SP1: variants seen among roughly 807,000 people sequenced by gnomAD.
The protein encoded by SP1 is transcription factor Sp1.
Under a neutral mutation model 66.3 loss-of-function variants are expected in SP1, and 6 were observed. The observed-to-expected ratio is 0.09, with a 90% CI of 0.05 to 0.18. SP1 has a LOEUF of 0.18. SP1 is among the 10% of genes least tolerant of loss of function. The pLI, the probability that SP1 is intolerant of heterozygous loss-of-function variation, is 1.00. For missense variants in SP1, 848 were observed against 964.5 expected, an observed-to-expected ratio of 0.88 and a Z score of 1.60; for synonymous variants, 417 against 360.8, an observed-to-expected ratio of 1.16 and a Z score of -1.77.
chr12:53,398,224 T>G (rs78726213), intron 3 of SP1, among the ~76,000 whole-genome samples: 4,038 of 152,312 alleles, frequency 0.027, 82 homozygotes, highest in Middle Eastern at 0.051. Context: ...TTAACCACTT[T>G]AGATTTGTCA....
At position 53,411,489 on chromosome 12, in the gene SP1, T is replaced by G. The variant is rs1938884695; in HGVS notation, c.*249T>G. ...GTGCCACGCTTTGATGAGCATTTGT[T>G]TGACCCCAGTTTCTTCTTACACTTC... On this transcript the variant is annotated 3_prime_UTR_variant, in exon 6 of 6. Transcript: ENST00000327443. The G allele has an allele frequency of 2.4e-6, 1 of 412,024 alleles. No individual in the cohort carries two copies. The highest frequency in any genetic ancestry group is 2.0e-5 in the African/African-American group (1 of 49,256). The allele number at this position is 412,024 out of a possible 1,614,324, so 25.5% of individuals were successfully genotyped here.
intron 3 of SP1, 32 bp from the exon 4 acceptor site, chr12:53,406,553 C>T (rs1451635022): frequency 1.9e-6 from 3 of 1,604,644 alleles, no homozygotes; most frequent in East Asian, 2.2e-5. Context: ...CTGCCCATGT[C>T]ACATGTTGAC....
intron 3 of SP1, among the ~76,000 whole-genome samples, chr12:53,399,846 G>C (rs1359127120): frequency 6.8e-6 from 1 of 146,324 alleles, no homozygotes; most frequent in Non-Finnish European, 1.5e-5. Context: ...GGTCAGGGTG[G>C]TCTTGAACTC....
chr12:53,395,988 C>T (rs1471823247), intron 3 of SP1, among the ~76,000 whole-genome samples: 6 of 152,000 alleles, frequency 3.9e-5, no homozygotes, highest in South Asian at 2.1e-4. Context: ...GGTGTGCTGG[C>T]GCACGCCTGT....
At chr12:53,381,946 G>C (rs1193038323) in intron 2 of SP1, 133 bp downstream of exon 2, 2 of 1,199,788 alleles carry the variant, frequency 1.7e-6, no homozygotes, top group African/African-American at 3.1e-5. Context: ...AGAGAATGGA[G>C]ATCCCCAAAG....
chr12:53,382,666 G>T lies in SP1; in HGVS notation c.719G>T (p.Gly240Val). The T allele has an allele frequency of 6.2e-7, 1 of 1,614,082 alleles. No individual in the cohort carries two copies. Among genetic ancestry groups the T allele is most frequent in the Non-Finnish European group, 8.5e-7 (1 of 1,179,988 alleles). ...NLLQQAVPLQ[G>V]LANNVLSGQT... ...CTCCAGCAGGCTGTCCCCCTCCAAGGCCTGGCTAATAATGTACTCTCAGGA... is the reference window on the plus strand; with the variant it reads ...CTCCAGCAGGCTGTCCCCCTCCAAGTCCTGGCTAATAATGTACTCTCAGGA... The change falls in exon 3 of 6, where the codon GGC (glycine) becomes GTC (valine). Residue 240 changes from glycine (G) to valine (V), a missense_variant. By Grantham distance (109) the Gly-to-Val change is moderately radical (BLOSUM62 -3). Around this residue, in one of 7 missense-constraint regions of SP1, gnomAD observed 606 missense variants for 589.9 expected, o/e 1.03. Transcript: ENST00000327443.
At chr12:53,392,007 T>A (rs150317717) in intron 3 of SP1, among the ~76,000 whole-genome samples, 1 of 152,270 alleles carries the variant, frequency 6.6e-6, no homozygotes, top group East Asian at 1.9e-4. Flanking sequence ...TGGTTGCAAA[T>A]CTGTGCTGTA....
chr12:53,408,511 C>A (rs569934735), intron 4 of SP1, among the ~76,000 whole-genome samples: 1 of 151,516 alleles, frequency 6.6e-6, no homozygotes, highest in Non-Finnish European at 1.5e-5. Context: ...AGGCTGGTCT[C>A]GGATCCCTGA....
chr12:53,399,485 C>T (rs900664792), intron 3 of SP1, among the ~76,000 whole-genome samples: 5 of 152,108 alleles, frequency 3.3e-5, no homozygotes, highest in African/African-American at 1.2e-4. Flanking sequence ...GCGCCCGCCA[C>T]CACATCTGGC....
At chr12:53,380,330 G>A (rs1938052798) in intron 1 of SP1, 32 bp downstream of exon 1, 1 of 1,526,606 alleles carries the variant, frequency 6.6e-7, no homozygotes, top group Non-Finnish European at 8.8e-7. Context: ...GCTTAGGGGT[G>A]GGAGGCGAGT....
chr12:53,380,472 C>T (rs1349409426), intron 1 of SP1, among the ~76,000 whole-genome samples, 174 bp downstream of exon 1: 1 of 151,044 alleles, frequency 6.6e-6, no homozygotes, highest in African/African-American at 2.4e-5. Flanking sequence ...GTGGCGGGGC[C>T]TCCGAGGAGG....
chr12:53,382,083 C>A, intron 2 of SP1, 27 bp from the exon 3 acceptor site: 1 of 1,608,642 alleles, frequency 6.2e-7, no homozygotes, highest in South Asian at 1.1e-5. Context: ...GTCACTAACT[C>A]CTTTCCTCTC....
In SP1 at chr12:53,383,609, A is replaced by G. The variant is rs1938160341; in HGVS notation, c.1662A>G (p.Ile554Met). 1.2e-6 allele frequency: 2 copies of G among 1,605,852 alleles called. No individual in the cohort carries two copies. The highest frequency in any genetic ancestry group is 2.2e-5 in the East Asian group (1 of 44,798). ...CAATTCAAGGCCTGCCGTTGGCTAT[A>G]GCAAATGCCCCAGGTAAGATTTCCA... Reference protein sequence around the residue: ...VHPIQGLPLAIANAPGDHGAQ... With the variant: ...VHPIQGLPLAMANAPGDHGAQ... Residue 554 changes from isoleucine to methionine, a missense_variant, in exon 3 of 6, where the codon ATA becomes ATG. By Grantham distance (10) the Ile-to-Met change is conservative. Coordinates refer to ENST00000327443, the MANE Select transcript of SP1 (RefSeq NM_138473.3).
At chr12:53,384,862 A>G (rs1421478320) in intron 3 of SP1, among the ~76,000 whole-genome samples, 7 of 151,856 alleles carry the variant, frequency 4.6e-5, no homozygotes, top group African/African-American at 1.2e-4. Flanking sequence ...GTACATGCCT[A>G]TGGGCCCAGC....
intron 3 of SP1, among the ~76,000 whole-genome samples, chr12:53,396,427 G>A (rs1938491645): frequency 6.6e-6 from 1 of 151,842 alleles, no homozygotes; most frequent in African/African-American, 2.4e-5. Flanking sequence ...AATTACCCGG[G>A]CATGGTGATG....
At chr12:53,398,457 A>G (rs1302037770) in intron 3 of SP1, among the ~76,000 whole-genome samples, 1 of 151,994 alleles carries the variant, frequency 6.6e-6, no homozygotes, top group East Asian at 1.9e-4. Context: ...TAATTTTTGT[A>G]TTTTTAGTAG....
chr12:53,386,125 T>C (rs937773119), intron 3 of SP1, among the ~76,000 whole-genome samples: 14 of 152,158 alleles, frequency 9.2e-5, no homozygotes, highest in Non-Finnish European at 1.3e-4. Flanking sequence ...TTTTAACTCC[T>C]AGTTATCTGA....
intron 2 of SP1, 64 bp downstream of exon 2, chr12:53,381,877 T>C (rs1432382388): frequency 6.5e-7 from 1 of 1,541,630 alleles, no homozygotes; most frequent in African/African-American, 1.4e-5. Context: ...GATAATTGCC[T>C]TACTCTTCAC....
chr12:53,407,171 A>G (rs1938760908), intron 4 of SP1, among the ~76,000 whole-genome samples: 1 of 150,908 alleles, frequency 6.6e-6, no homozygotes, highest in South Asian at 2.1e-4. Flanking sequence ...CTGGATGCAT[A>G]TAATCCCAGC....
Sources: allele counts gnomAD v4.1 joint callset (sites outside exome capture counted in the v4.1 genomes callset), GRCh38; gene constraint gnomAD v4.1.1; regional missense constraint gnomAD v4.1.1; transcripts MANE v1.5; gene names NCBI Gene and HGNC (gene_info 2026-07-23, HGNC 2026-07-21).